The following RFX4 variants were observed in gnomAD, a reference collection of about 807,000 sequenced individuals.
RFX4 encodes the protein transcription factor RFX4.
Under a neutral mutation model 95.0 loss-of-function variants are expected in RFX4, and 10 were observed. The ratio of observed to expected loss-of-function variants is 0.11; its 90% CI spans 0.06 to 0.18. RFX4 has a LOEUF of 0.18. Among genes scored for constraint, RFX4 ranks in the 10% least tolerant of loss-of-function variants. The pLI, the probability that RFX4 is intolerant of heterozygous loss-of-function variation, is 1.00. For missense variants in RFX4, 640 were observed against 922.0 expected, an observed-to-expected ratio of 0.69 and a Z score of 3.96; for synonymous variants, 321 against 340.7, an observed-to-expected ratio of 0.94 and a Z score of 0.64.
chr12:106,607,802 G>C (rs1288439080), intron 1 of RFX4, among the ~76,000 whole-genome samples: 6 of 152,006 alleles, frequency 3.9e-5, no homozygotes, highest in Admixed American at 1.3e-4. Context: ...GGGTGGTCTA[G>C]AAAACAGAAT....
At position 106,744,434 on chromosome 12, in the gene RFX4, GC is replaced by G. The variant is rs557995343; in HGVS notation, c.1634-3001del. On this transcript the variant is annotated intron_variant, in intron 15 of 17. Transcript: ENST00000392842. Reference sequence around the variant, plus strand: ...TAATAGAATCTCACCCAAGAAACTTGCCTTTCTTCCCTGGGGTCTGAAATGA... The same window carrying G: ...TAATAGAATCTCACCCAAGAAACTTGCTTTCTTCCCTGGGGTCTGAAATGA... 5.3e-5 allele frequency among the ~76,000 whole-genome samples: 8 copies of G among 152,264 alleles called. No individual in the cohort carries two copies. In the South Asian group the frequency reaches 1.7e-3, roughly 32 times the overall value.
intron 4 of RFX4, among the ~76,000 whole-genome samples, chr12:106,666,784 C>T (rs1015994675): frequency 1.3e-5 from 2 of 152,166 alleles, no homozygotes; most frequent in Non-Finnish European, 2.9e-5. Context: ...TATCTCTCTG[C>T]TCACATGGTC....
chr12:106,713,875 C>T, intron 10 of RFX4, among the ~76,000 whole-genome samples: 1 of 151,828 alleles, frequency 6.6e-6, no homozygotes, highest in East Asian at 1.9e-4. Context: ...CAAGACCAGC[C>T]TGGCCAATAT....
intron 2 of RFX4, among the ~76,000 whole-genome samples, chr12:106,631,181 A>G (rs980244429): frequency 1.3e-5 from 2 of 152,258 alleles, no homozygotes; most frequent in Non-Finnish European, 2.9e-5. Flanking sequence ...AGCTTTGCAC[A>G]GTGCCTGGCA....
intron 1 of RFX4, among the ~76,000 whole-genome samples, chr12:106,595,547 A>C (rs909364618): frequency 6.6e-6 from 1 of 152,158 alleles, no homozygotes; most frequent in Non-Finnish European, 1.5e-5. Flanking sequence ...CTTTCATCTC[A>C]AATCATTCTC....
intron 5 of RFX4, among the ~76,000 whole-genome samples, chr12:106,685,541 T>G (rs575131022): frequency 6.6e-6 from 1 of 152,302 alleles, no homozygotes; most frequent in South Asian, 2.1e-4. Context: ...ATTACCCCTA[T>G]GGTGCTTGAT....
chr12:106,691,337 G>A (rs1036028043), intron 7 of RFX4, among the ~76,000 whole-genome samples: 4 of 152,200 alleles, frequency 2.6e-5, no homozygotes, highest in Admixed American at 1.3e-4. Context: ...TCAGAGATTT[G>A]GCCAAGGTCA....
intron 8 of RFX4, 134 bp downstream of exon 8, chr12:106,696,580 T>G: frequency 2.6e-6 from 2 of 775,214 alleles, no homozygotes; most frequent in Non-Finnish European, 3.8e-6. Flanking sequence ...AACTTTTAAA[T>G]ATTAAAGTTT....
At chr12:106,629,489 T>A (rs1258211631) in intron 2 of RFX4, among the ~76,000 whole-genome samples, 1 of 152,038 alleles carries the variant, frequency 6.6e-6, no homozygotes, top group East Asian at 1.9e-4. Context: ...TTTGTTTTGT[T>A]TTTGTTTTTG....
At chr12:106,588,094 G>A (rs2039488575) in intron 1 of RFX4, among the ~76,000 whole-genome samples, 2 of 152,146 alleles carry the variant, frequency 1.3e-5, no homozygotes, top group Admixed American at 1.3e-4. Flanking sequence ...TAGAATCCAG[G>A]AAGCAATATA....
chr12:106,689,428 T>G, intron 7 of RFX4, 64 bp downstream of exon 7: 3 of 1,298,712 alleles, frequency 2.3e-6, no homozygotes, highest in Non-Finnish European at 3.4e-6. Flanking sequence ...CTAGCTCCTA[T>G]TTCATGAGCT....
intron 2 of RFX4, among the ~76,000 whole-genome samples, chr12:106,630,867 C>T (rs2040405211): frequency 6.6e-6 from 1 of 152,192 alleles, no homozygotes; most frequent in African/African-American, 2.4e-5. Context: ...ATAATAACTT[C>T]TCTAAAATCT....
At chr12:106,655,747 C>G (rs545295359) in intron 4 of RFX4, among the ~76,000 whole-genome samples, 33 of 152,286 alleles carry the variant, frequency 2.2e-4, no homozygotes, top group Middle Eastern at 6.8e-3. Context: ...GCCTCAGCTG[C>G]CCCAGCTTCC....
At chr12:106,607,941 C>G (rs889086126) in intron 1 of RFX4, among the ~76,000 whole-genome samples, 21 of 152,084 alleles carry the variant, frequency 1.4e-4, no homozygotes, top group Admixed American at 1.3e-3. Context: ...GCTTGTAATC[C>G]CAGCACTTTG....
intron 9 of RFX4, among the ~76,000 whole-genome samples, chr12:106,710,039 C>T (rs1036938074): frequency 6.6e-6 from 1 of 152,212 alleles, no homozygotes; most frequent in African/African-American, 2.4e-5. Flanking sequence ...TGTTGGCACC[C>T]ATTCCCCAGC....
chr12:106,597,474 T>G, intron 1 of RFX4, among the ~76,000 whole-genome samples: 1 of 152,342 alleles, frequency 6.6e-6, no homozygotes, highest in East Asian at 1.9e-4. Context: ...ATACATTCGC[T>G]AAGACATACA....
chr12:106,724,357 C>T (rs1922439), intron 13 of RFX4, among the ~76,000 whole-genome samples: 11,424 of 152,264 alleles, frequency 0.075, 550 homozygotes, highest in East Asian at 0.26. Flanking sequence ...CAAAATCAAA[C>T]CTGCCTGACC....
intron 2 of RFX4, among the ~76,000 whole-genome samples, chr12:106,621,120 CA>C (rs1484481882): frequency 6.6e-6 from 1 of 152,162 alleles, no homozygotes; most frequent in Non-Finnish European, 1.5e-5. Context: ...ACAGTTATCA[CA>C]GTGGTCCTGA....
intron 11 of RFX4, 119 bp from the exon 12 acceptor site, chr12:106,719,841 G>A (rs951718349): frequency 2.7e-6 from 2 of 752,384 alleles, no homozygotes; most frequent in Admixed American, 4.8e-5. Context: ...TAAGACCTTG[G>A]AGTTTTATTT....
Sources: gnomAD v4.1 joint callset for allele counts (sites outside exome capture counted in the v4.1 genomes callset) on GRCh38, gnomAD v4.1.1 for gene constraint, MANE v1.5 for transcripts, NCBI Gene and HGNC (gene_info 2026-07-23, HGNC 2026-07-21) for gene names.